FMO5: variants seen among roughly 807,000 people sequenced by gnomAD.
FMO5 encodes the protein flavin containing dimethylaniline monoxygenase 5.
A neutral mutation model predicts 43.6 loss-of-function variants in FMO5; 51 were observed. The observed-to-expected ratio is 1.17, with a 90% CI of 0.93 to 1.48. FMO5 has a LOEUF of 1.48. Ranked by LOEUF, FMO5 falls within the 40% of genes most tolerant of loss-of-function variation. FMO5 has a pLI of 0.00. For synonymous variants in FMO5, 187 were observed against 216.5 expected (o/e 0.86, Z 1.20); for missense variants, 644 against 643.0 (o/e 1.00, Z -0.02).
chr1:147,186,683 C>A lies in FMO5; in HGVS notation c.*217G>T. 1 of 1,373,446 alleles carries A rather than the reference C, an allele frequency of 7.3e-7. No homozygotes were observed. The highest frequency in any genetic ancestry group is 9.4e-7 in the Non-Finnish European group (1 of 1,067,518). The allele number at this position is 1,373,446 out of a possible 1,614,324, so 85.1% of individuals were successfully genotyped here. A position where few individuals can be genotyped will look rare whatever the true frequency, so the allele number is the denominator to read the frequency against. On this transcript the variant is annotated 3_prime_UTR_variant, in exon 9 of 9. Coordinates refer to ENST00000254090, the MANE Select transcript of FMO5 (RefSeq NM_001461.4). Reference sequence around the variant, plus strand: ...TGAGCTCCCAGTCTAGGGATTACCACAAGGAAGAGTGACGGATCATGAGTG... The same window carrying A: ...TGAGCTCCCAGTCTAGGGATTACCAAAAGGAAGAGTGACGGATCATGAGTG...
Position 147,213,359 on chromosome 1 carries a change from C to T in FMO5, c.436G>A (p.Val146Ile). 2 of 1,613,568 alleles carry T rather than the reference C, an allele frequency of 1.2e-6. No individual in the cohort carries two copies. The highest frequency in any genetic ancestry group is 1.7e-6 in the Non-Finnish European group (2 of 1,179,794). The change falls in exon 4 of 9, where the codon GTT becomes ATT. Residue 146 changes from valine (V) to isoleucine (I), a missense_variant. Val to Ile is a conservative substitution (Grantham distance 29). Transcript: ENST00000254090. Reference protein sequence around the residue: ...KEMNVFDGVMVCTGHHTNAHL... With the variant: ...KEMNVFDGVMICTGHHTNAHL... ...GCATTGGTGTGATGGCCAGTGCAAACCATGACTCCATCAAAGACATTCATC... is the reference window on the plus strand; with the variant it reads ...GCATTGGTGTGATGGCCAGTGCAAATCATGACTCCATCAAAGACATTCATC...
chr1:147,205,062 C>G (rs1659747341), intron 6 of FMO5: 2 of 632,546 alleles, frequency 3.2e-6, no homozygotes, highest in Admixed American at 5.5e-5. Context: ...CCAGCCATAC[C>G]AGACTACATG....
chr1:147,184,495 T>C, downstream of FMO5: 1 of 1,530,288 alleles, frequency 6.5e-7, no homozygotes, highest in Non-Finnish European at 8.8e-7. The surrounding 1 kb of genome is among the most constrained non-coding windows in gnomAD (Gnocchi z 4.4). Context: ...TTAGATGTTA[T>C]GTCTCCTTAG....
At chr1:147,220,398 C>G (rs1242616185) in intron 2 of FMO5, among the ~76,000 whole-genome samples, 1 of 152,188 alleles carries the variant, frequency 6.6e-6, no homozygotes, top group East Asian at 1.9e-4. Context: ...ACAATGCAAT[C>G]TCAATCAACA....
upstream of FMO5, chr1:147,225,413 G>A (rs781931338): frequency 5.2e-6 from 1 of 191,874 alleles, no homozygotes; most frequent in East Asian, 1.3e-4. Flanking sequence ...AGGGGCTGTA[G>A]CACTCCACCT....
intron 6 of FMO5, among the ~76,000 whole-genome samples, chr1:147,206,517 T>C (rs1553922378): frequency 3.3e-5 from 5 of 152,296 alleles, no homozygotes; most frequent in Admixed American, 3.3e-4. Context: ...CCAACCCAAA[T>C]GTCCAACAAT....
intron 8 of FMO5, 98 bp from the exon 9 acceptor site, chr1:147,187,343 G>T: frequency 1.3e-6 from 1 of 791,176 alleles, no homozygotes; most frequent in South Asian, 1.8e-5. Context: ...CTCAATATCA[G>T]ACTAGGAGCT....
intron 6 of FMO5, chr1:147,204,201 G>T (rs1301472995): frequency 2.9e-6 from 4 of 1,377,176 alleles, no homozygotes; most frequent in Non-Finnish European, 3.1e-6. Context: ...CCATCAAAAG[G>T]ACAAGAGTAC....
chr1:147,225,659 TC>T (rs782561525), upstream of FMO5: 2 of 152,962 alleles, frequency 1.3e-5, no homozygotes, highest in Non-Finnish European at 2.9e-5. Context: ...GACAAACACT[TC>T]CTAGTGAAGG....
At chr1:147,206,087 C>A (rs1571290672) in intron 6 of FMO5, among the ~76,000 whole-genome samples, 1 of 150,598 alleles carries the variant, frequency 6.6e-6, no homozygotes, top group African/African-American at 2.5e-5. Flanking sequence ...ACAAACAACC[C>A]CATCAAAAAG....
chr1:147,225,225 G>T, intron 1 of FMO5, 62 bp downstream of exon 1: 1 of 1,406,000 alleles, frequency 7.1e-7, no homozygotes, highest in Non-Finnish European at 9.3e-7. Context: ...TGCTGGCATG[G>T]GGGAGCCCTG....
intron 6 of FMO5, chr1:147,203,752 A>G: frequency 1.3e-6 from 2 of 1,532,522 alleles, no homozygotes; most frequent in Non-Finnish European, 1.8e-6. Context: ...TATTAACACC[A>G]TCATCTACTG....
intron 4 of FMO5, among the ~76,000 whole-genome samples, chr1:147,212,962 A>C (rs1261789144): frequency 3.3e-5 from 5 of 152,028 alleles, no homozygotes; most frequent in African/African-American, 1.2e-4. Flanking sequence ...TCAAGCTTTC[A>C]TTCCTTCCTT....
At chr1:147,191,904 G>T (rs1396195388) in intron 7 of FMO5, among the ~76,000 whole-genome samples, 1 of 152,162 alleles carries the variant, frequency 6.6e-6, no homozygotes, top group East Asian at 1.9e-4. Flanking sequence ...TGCTGTTTTG[G>T]TTACTGTAGC....
At chr1:147,202,490 T>G (rs1553921280) in intron 6 of FMO5, among the ~76,000 whole-genome samples, 1 of 151,982 alleles carries the variant, frequency 6.6e-6, no homozygotes, top group East Asian at 1.9e-4. Flanking sequence ...TGGCTAATTT[T>G]TGTATTTTTA....
intron 6 of FMO5, 135 bp from the exon 7 acceptor site, chr1:147,201,639 A>G (rs1553921036): frequency 4.5e-6 from 3 of 660,278 alleles, no homozygotes. Context: ...AAGTTTGGAA[A>G]AGGTCTAATT....
At chr1:147,204,706 A>G in intron 6 of FMO5, 1 of 1,534,134 alleles carries the variant, frequency 6.5e-7, no homozygotes, top group South Asian at 1.1e-5. Flanking sequence ...CTGTACTTCT[A>G]GTTCTCTTAA....
intron 6 of FMO5, chr1:147,203,245 C>A (rs1659365442): frequency 8.2e-7 from 1 of 1,215,688 alleles, no homozygotes; most frequent in Admixed American, 1.8e-5. Context: ...CAAATACAGC[C>A]TTCACCTACA....
chr1:147,198,904 T>C (rs1330222144), intron 7 of FMO5, among the ~76,000 whole-genome samples: 1 of 136,606 alleles, frequency 7.3e-6, no homozygotes, highest in Admixed American at 7.3e-5. Flanking sequence ...AAATTGGAGG[T>C]TGTATCCAAT....
Sources: gnomAD v4.1 joint callset for allele counts (sites outside exome capture counted in the v4.1 genomes callset) on GRCh38, gnomAD v4.1.1 for gene constraint, Gnocchi (gnomAD v3.1) non-coding constraint, MANE v1.5 for transcripts, NCBI Gene and HGNC (gene_info 2026-07-23, HGNC 2026-07-21) for gene names.